The following SKP2 variants were observed in gnomAD, a reference collection of about 807,000 sequenced individuals.
The protein encoded by SKP2 is S-phase kinase associated protein 2, also known as S-phase kinase-associated protein 2.
SKP2 carries 16 observed loss-of-function variants against 51.8 expected under a neutral mutation model. The ratio of observed to expected loss-of-function variants is 0.31; its 90% CI spans 0.21 to 0.47. SKP2 has a LOEUF of 0.47. Ranked by LOEUF, SKP2 falls within the 20% of genes least tolerant of loss-of-function variation. The pLI, the probability that SKP2 is intolerant of heterozygous loss-of-function variation, is 1.00. For synonymous variants in SKP2, 176 were observed against 198.6 expected (o/e 0.89, Z 0.96); for missense variants, 377 against 505.3 (o/e 0.75, Z 2.43).
At chr5:36,153,263 C>A (rs1299151014) in intron 2 of SKP2, among the ~76,000 whole-genome samples, 8 of 150,560 alleles carry the variant, frequency 5.3e-5, no homozygotes, top group Non-Finnish European at 8.8e-5. Context: ...GGTGCATAAT[C>A]ACCTTGAAAA....
At chr5:36,179,901 A>G (rs941619977) in intron 9 of SKP2, among the ~76,000 whole-genome samples, 1 of 130,750 alleles carries the variant, frequency 7.6e-6, no homozygotes, top group Non-Finnish European at 1.7e-5. Flanking sequence ...TAGGTAATGC[A>G]CATACCGGGG....
chr5:36,165,819 A>C (rs1462086132), intron 3 of SKP2, among the ~76,000 whole-genome samples: 5 of 152,192 alleles, frequency 3.3e-5, no homozygotes, highest in Non-Finnish European at 5.9e-5. Flanking sequence ...TAAACTATGG[A>C]TATTAAAACC....
chr5:36,183,954 A>G lies in SKP2; in HGVS notation c.*1923A>G. 2 of 1,610,948 alleles carry G rather than the reference A, an allele frequency of 1.2e-6. No homozygotes were observed. Among genetic ancestry groups the G allele is most frequent in the Non-Finnish European group, 1.7e-6 (2 of 1,179,076 alleles). ...ATAAGCTATTTTGCCAACATGTCAG[A>G]GTAATCTGTATTTTTGTATGTGATT... On this transcript the variant is annotated 3_prime_UTR_variant, in exon 10 of 10. Transcript: ENST00000274255.
chr5:36,183,266 A>G lies in SKP2; in HGVS notation c.*1235A>G, dbSNP rs1037772547. 1.7e-6 allele frequency: 1 copy of G among 582,430 alleles called. No individual in the cohort carries two copies. Among genetic ancestry groups the G allele is most frequent in the Admixed American group, 8.8e-5 (1 of 11,382 alleles). 36.1% of individuals were successfully genotyped at this position (582,430 alleles called of 1,614,324 possible). On this transcript the variant is annotated 3_prime_UTR_variant, in exon 10 of 10. Coordinates refer to ENST00000274255, the MANE Select transcript of SKP2 (RefSeq NM_005983.4). Reference sequence around the variant, plus strand: ...AGTGAAAAGATTAAATTCTACTTCTATTTTTTTTTTTTTTTTTTGAGACGG... The same window carrying G: ...AGTGAAAAGATTAAATTCTACTTCTGTTTTTTTTTTTTTTTTTTGAGACGG...
chr5:36,190,587 C>T (rs763384708), intron 6 of SKP2, among the ~76,000 whole-genome samples: 51 of 147,656 alleles, frequency 3.5e-4, no homozygotes, highest in Non-Finnish European at 6.3e-4. Flanking sequence ...CCCTTCCATT[C>T]GAATGGTAGA....
chr5:36,186,237 G>A (rs1031186012), downstream of SKP2, among the ~76,000 whole-genome samples: 7 of 151,952 alleles, frequency 4.6e-5, no homozygotes, highest in Admixed American at 2.0e-4. Flanking sequence ...AATTGAATAC[G>A]CTTTATTTCT....
chr5:36,177,664 C>T (rs1304320905), intron 9 of SKP2, among the ~76,000 whole-genome samples: 3 of 148,284 alleles, frequency 2.0e-5, no homozygotes, highest in Non-Finnish European at 4.5e-5. Context: ...CCAAATTTTT[C>T]GGATTAACTC....
chr5:36,189,499 T>C (rs1745986077), intron 6 of SKP2, among the ~76,000 whole-genome samples: 1 of 152,200 alleles, frequency 6.6e-6, no homozygotes, highest in Non-Finnish European at 1.5e-5. Context: ...AGACGCTGTT[T>C]GCCTGGGTAT....
chr5:36,182,466 A>G lies in SKP2; in HGVS notation c.*435A>G. 3.0e-6 allele frequency: 3 copies of G among 989,490 alleles called. No individual in the cohort carries two copies. Among genetic ancestry groups the G allele is most frequent in the East Asian group, 2.2e-4 (2 of 9,056 alleles). 61.3% of individuals were successfully genotyped at this position (989,490 alleles called of 1,614,324 possible). ...AGACAGCTTAGAAGAACAATAAGCT[A>G]TTTGTATTATGAGCTGAACAAAAAG... is the stretch of plus-strand genomic sequence containing the variant. On this transcript the variant is annotated 3_prime_UTR_variant, in exon 10 of 10. Transcript: ENST00000274255.
intron 4 of SKP2, 86 bp downstream of exon 4, chr5:36,166,748 C>G: frequency 8.6e-7 from 1 of 1,165,142 alleles, no homozygotes. Context: ...TTTCTTTCTT[C>G]AGCCTTAAAG....
In SKP2 at chr5:36,152,950, A is replaced by G; in HGVS notation, c.188A>G (p.Glu63Gly). ...CTGCTCTCAAACCTGGGCCACCCGGAGAGCCCCCCACGGAAACGGCTGAAG... is the reference window on the plus strand; with the variant it reads ...CTGCTCTCAAACCTGGGCCACCCGGGGAGCCCCCCACGGAAACGGCTGAAG... ...QELLSNLGHP[E>G]SPPRKRLKSK... is the part of the protein sequence containing the mutation. The change falls in exon 2 of 10, where the codon GAG (glutamate) becomes GGG (glycine). Residue 63 changes from glutamate (E) to glycine (G), a missense_variant. Glu to Gly is a moderately conservative substitution (Grantham distance 98, BLOSUM62 -2). This residue lies in a region of SKP2 where 115 missense variants were observed against 115.5 expected (regional missense o/e 1.00). Transcript: ENST00000274255. 6.2e-7 allele frequency: 1 copy of G among 1,614,116 alleles called. No homozygotes were observed. Among genetic ancestry groups the G allele is most frequent in the Non-Finnish European group, 8.5e-7 (1 of 1,180,016 alleles).
At position 36,182,090 on chromosome 5, in the gene SKP2, A is replaced by G. The variant is rs1411738670; in HGVS notation, c.*59A>G. 5 of 1,583,670 alleles carry G rather than the reference A, an allele frequency of 3.2e-6. No homozygotes were observed. The highest frequency in any genetic ancestry group is 4.3e-6 in the Non-Finnish European group (5 of 1,162,920). On this transcript the variant is annotated 3_prime_UTR_variant, in exon 10 of 10. Coordinates refer to ENST00000274255, the MANE Select transcript of SKP2 (RefSeq NM_005983.4). Reference sequence around the variant, plus strand: ...AACAGGGAAAATAGGCAGGAAGCCCAATTGCTGGAGTACTTAGCTAGTTTT... The same window carrying G: ...AACAGGGAAAATAGGCAGGAAGCCCGATTGCTGGAGTACTTAGCTAGTTTT...
chr5:36,175,915 C>T (rs1234113957), intron 7 of SKP2, among the ~76,000 whole-genome samples: 1 of 151,246 alleles, frequency 6.6e-6, no homozygotes, highest in Non-Finnish European at 1.5e-5. Flanking sequence ...AATTACTGGG[C>T]CAAAAGTAAA....
intron 5 of SKP2, 122 bp downstream of exon 5, chr5:36,168,569 G>GAAGCTAGAGCAC: frequency 1.1e-6 from 1 of 913,578 alleles, no homozygotes; most frequent in Non-Finnish European, 1.7e-6. Flanking sequence ...ATCTAGTGCA[G>GAAGCTAGAGCAC]TGCTCTAGCT....
rs1745834718 is a variant in SKP2 at position 36,182,236 on chromosome 5, A to T, written c.*205A>T. 1 of 1,358,400 alleles carries T rather than the reference A, an allele frequency of 7.4e-7. No individual in the cohort carries two copies. The highest frequency in any genetic ancestry group is 9.5e-7 in the Non-Finnish European group (1 of 1,056,812). 84.1% of individuals were successfully genotyped at this position (1,358,400 alleles called of 1,614,324 possible). ...AAGCTTCTATCACTGCTTTGCTCTTAAGAGCCAAAGTTGTAGGCCTTTTGA... is the reference window on the plus strand; with the variant it reads ...AAGCTTCTATCACTGCTTTGCTCTTTAGAGCCAAAGTTGTAGGCCTTTTGA... On this transcript the variant is annotated 3_prime_UTR_variant, in exon 10 of 10. Coordinates refer to ENST00000274255, the MANE Select transcript of SKP2 (RefSeq NM_005983.4).
rs1161568126 is a variant in SKP2 at position 36,181,888 on chromosome 5, C to G, written c.1132C>G (p.Leu378Val). Residue 378 changes from leucine to valine, a missense_variant, in exon 10 of 10, where the codon CTG becomes GTG. Transcript: ENST00000274255. ...FGIVPDGTLQ[L>V]LKEALPHLQI... ...AATCGTGCCAGATGGTACCCTTCAA[C>G]TGTTAAAGGAAGCCCTTCCTCATCT... 1.2e-6 allele frequency: 2 copies of G among 1,614,020 alleles called. No homozygotes were observed. The highest frequency in any genetic ancestry group is 1.7e-6 in the Non-Finnish European group (2 of 1,180,018).
Position 36,182,197 on chromosome 5 carries a change from T to C in SKP2, c.*166T>C. The C allele has an allele frequency of 7.1e-7, 1 of 1,415,956 alleles. No homozygotes were observed. The allele number at this position is 1,415,956 out of a possible 1,614,324, so 87.7% of individuals were successfully genotyped here. ...GGGAAAACTATGAAATCTTGCTTTT[T>C]GAAATGATTCTAAAAGCTTCTATCA... On this transcript the variant is annotated 3_prime_UTR_variant, in exon 10 of 10. Coordinates refer to ENST00000274255, the MANE Select transcript of SKP2 (RefSeq NM_005983.4).
chr5:36,182,686 C>T lies in SKP2; in HGVS notation c.*655C>T. The T allele has an allele frequency of 1.0e-6, 1 of 978,268 alleles. No individual in the cohort carries two copies. The highest frequency in any genetic ancestry group is 1.2e-6 in the Non-Finnish European group (1 of 823,564). The allele number at this position is 978,268 out of a possible 1,614,324, so 60.6% of individuals were successfully genotyped here. On this transcript the variant is annotated 3_prime_UTR_variant, in exon 10 of 10. Coordinates refer to ENST00000274255, the MANE Select transcript of SKP2 (RefSeq NM_005983.4). ...TAGAATCAATATAGGATTTGAAGGC[C>T]CAGCAGACAGTTTTCTATGACAGGT...
At chr5:36,186,981 T>C (rs1462784984), downstream of SKP2, among the ~76,000 whole-genome samples, 2 of 152,198 alleles carry the variant, frequency 1.3e-5, no homozygotes, top group Non-Finnish European at 2.9e-5. Flanking sequence ...GGAGGATGTA[T>C]GTGTCGAGGA....
Sources: gnomAD v4.1 joint callset for allele counts (sites outside exome capture counted in the v4.1 genomes callset) on GRCh38, gnomAD v4.1.1 for gene constraint, gnomAD v4.1.1 regional missense constraint, MANE v1.5 for transcripts, NCBI Gene and HGNC (gene_info 2026-07-23, HGNC 2026-07-21) for gene names.